Variants in KCTD3 observed in about 807,000 individuals in gnomAD.
KCTD3 encodes the protein BTB/POZ domain-containing protein KCTD3.
A neutral mutation model predicts 85.8 loss-of-function variants in KCTD3; 41 were observed. The ratio of observed to expected loss-of-function variants is 0.48; its 90% CI spans 0.37 to 0.62. The LOEUF (loss-of-function observed/expected upper bound fraction) is 0.62. KCTD3 is among the 20% of genes least tolerant of loss of function. KCTD3 has a pLI of 0.00. For synonymous variants in KCTD3, 338 were observed against 345.4 expected (o/e 0.98, Z 0.24); for missense variants, 724 against 989.9 (o/e 0.73, Z 3.60).
At chr1:215,583,787 T>C (rs978686307) in intron 8 of KCTD3, among the ~76,000 whole-genome samples, 1 of 152,200 alleles carries the variant, frequency 6.6e-6, no homozygotes, top group Non-Finnish European at 1.5e-5. Flanking sequence ...TAGGGTCTTC[T>C]GCATTCAGAG....
intron 10 of KCTD3, among the ~76,000 whole-genome samples, chr1:215,597,287 C>T (rs750711909): frequency 6.6e-6 from 1 of 150,872 alleles, no homozygotes; most frequent in Non-Finnish European, 1.5e-5. Flanking sequence ...TTTAATTCCA[C>T]CCCCTCGCCC....
chr1:215,592,504 C>T (rs1660263112), intron 9 of KCTD3, among the ~76,000 whole-genome samples: 2 of 152,042 alleles, frequency 1.3e-5, no homozygotes, highest in Admixed American at 1.3e-4. Flanking sequence ...AATTATAATA[C>T]ACTGGTAATT....
chr1:215,601,796 T>C, intron 10 of KCTD3, 71 bp from the exon 11 acceptor site: 2 of 914,278 alleles, frequency 2.2e-6, no homozygotes, highest in East Asian at 2.5e-5. Context: ...AATCAAAGTT[T>C]TGAGGAAATT....
At chr1:215,610,721 A>G (rs1655199215) in intron 14 of KCTD3, among the ~76,000 whole-genome samples, 1 of 152,028 alleles carries the variant, frequency 6.6e-6, no homozygotes, top group Admixed American at 6.6e-5. Context: ...CACTTCCATC[A>G]TATAGGACCT....
At chr1:215,608,354 A>T (rs377466591) in intron 14 of KCTD3, among the ~76,000 whole-genome samples, 182 bp downstream of exon 14, 2 of 152,080 alleles carry the variant, frequency 1.3e-5, no homozygotes, top group East Asian at 3.9e-4. Context: ...AAATTATTTT[A>T]TTGCAGCGTT....
intron 1 of KCTD3, among the ~76,000 whole-genome samples, chr1:215,572,674 C>T (rs1460669864): frequency 6.6e-6 from 1 of 152,188 alleles, no homozygotes; most frequent in East Asian, 1.9e-4. Flanking sequence ...TAATGGCAGA[C>T]AATAGATGGA....
intron 15 of KCTD3, among the ~76,000 whole-genome samples, chr1:215,616,498 C>G (rs188091849): frequency 2.4e-4 from 37 of 152,282 alleles, no homozygotes; most frequent in Admixed American, 8.5e-4. Flanking sequence ...CGGTGGCTCA[C>G]ACCTGTAATC....
intron 14 of KCTD3, among the ~76,000 whole-genome samples, chr1:215,609,715 G>T (rs1198552125): frequency 6.6e-6 from 1 of 151,878 alleles, no homozygotes; most frequent in Non-Finnish European, 1.5e-5. Flanking sequence ...GGATTCTTGA[G>T]AAATGGAGTA....
rs115478347 is a variant in KCTD3 at position 215,619,390 on chromosome 1, C to T, written c.1886+99C>T. 9.1e-3 allele frequency: 9,167 copies of T among 1,003,118 alleles called. 244 individuals carry two copies. The highest frequency in any genetic ancestry group is 0.067 in the South Asian group (3,718 of 55,484). The allele number at this position is 1,003,118 out of a possible 1,614,324, so 62.1% of individuals were successfully genotyped here. A position where few individuals can be genotyped will look rare whatever the true frequency, so the allele number is the denominator to read the frequency against. On this transcript the variant is annotated intron_variant, in intron 17 of 17. Coordinates refer to ENST00000259154, the MANE Select transcript of KCTD3 (RefSeq NM_016121.5). Reference sequence around the variant, plus strand: ...ATAGTTGTTCTAGAAAGCCATACTTCTCAAGGTACATTTTAAATTCAGACA... The same window carrying T: ...ATAGTTGTTCTAGAAAGCCATACTTTTCAAGGTACATTTTAAATTCAGACA...
At chr1:215,569,419 G>T (rs1291661595) in intron 1 of KCTD3, among the ~76,000 whole-genome samples, 4 of 151,948 alleles carry the variant, frequency 2.6e-5, no homozygotes, top group African/African-American at 9.7e-5. Context: ...GCGCCTGGCC[G>T]ATAGTTAATA....
rs936406715 is a variant in KCTD3 at position 215,621,733 on chromosome 1, T to C, written c.*1115T>C. The C allele has an allele frequency of 5.2e-5, 8 of 152,578 alleles. No homozygotes were observed. Among genetic ancestry groups the C allele is most frequent in the African/African-American group, 1.9e-4 (8 of 41,450 alleles). 9.5% of individuals were successfully genotyped at this position (152,578 alleles called of 1,614,324 possible). On this transcript the variant is annotated 3_prime_UTR_variant, in exon 18 of 18. Transcript: ENST00000259154. ...TTGAAATAAAATCTTTAAAATTTAC[T>C]ATATTGCCAGTGGTTTCACAACAGT... is the stretch of plus-strand genomic sequence containing the variant.
Position 215,574,131 on chromosome 1 carries a change from A to G in KCTD3, c.183+13A>G. 1 of 1,531,700 alleles carries G rather than the reference A, an allele frequency of 6.5e-7. No homozygotes were observed. Among genetic ancestry groups the G allele is most frequent in the Non-Finnish European group, 9.0e-7 (1 of 1,115,556 alleles). The allele number at this position is 1,531,700 out of a possible 1,614,324, so 94.9% of individuals were successfully genotyped here. ...TGAAACTGGTGCTGTGAGTATAATA[A>G]TAATTGATACATATTCCTAAATTAA... On this transcript the variant is annotated intron_variant, in intron 3 of 17. Transcript: ENST00000259154.
Position 215,573,208 on chromosome 1 carries a change from A to G in KCTD3, c.84-578A>G, listed in dbSNP as rs566745332. Among the ~76,000 whole-genome samples the G allele has an allele frequency of 1.4e-4, 21 of 152,332 alleles. No individual in the cohort carries two copies. In the South Asian group the frequency reaches 3.3e-3, roughly 24 times the overall value. ...ATGAGTAATTTACAGTGAAATTACT[A>G]TGAGCTTAAAAAGAGATAATACAGG... On this transcript the variant is annotated intron_variant, in intron 1 of 17. Coordinates refer to ENST00000259154, the MANE Select transcript of KCTD3 (RefSeq NM_016121.5).
intron 8 of KCTD3, among the ~76,000 whole-genome samples, chr1:215,584,196 T>G (rs916588347): frequency 9.9e-5 from 15 of 152,092 alleles, no homozygotes; most frequent in African/African-American, 3.1e-4. Flanking sequence ...GCAGGATGAG[T>G]CCAAATTGCA....
chr1:215,612,006 A>G, intron 15 of KCTD3, 85 bp downstream of exon 15: 1 of 874,120 alleles, frequency 1.1e-6, no homozygotes, highest in East Asian at 2.5e-5. Context: ...ATATTGACCA[A>G]AGAGTGCTAC....
At chr1:215,570,414 C>CTGAATTTA (rs1659317006) in intron 1 of KCTD3, among the ~76,000 whole-genome samples, 1 of 152,176 alleles carries the variant, frequency 6.6e-6, no homozygotes, top group Non-Finnish European at 1.5e-5. Context: ...TTCACTATGA[C>CTGAATTTA]TGAATTTATG....
intron 8 of KCTD3, among the ~76,000 whole-genome samples, chr1:215,581,550 G>C (rs1313409409): frequency 2.0e-5 from 3 of 152,246 alleles, no homozygotes. Context: ...CTTCCGTTTT[G>C]TTACTGTACA....
rs1252240754 is a variant in KCTD3, at chr1:215,620,881, T to A, written c.*263T>A. ...CATTTTAACACTTACCGACTTTTTT[T>A]GGTTTGGAAACATATTACCACGTCT... On this transcript the variant is annotated 3_prime_UTR_variant, in exon 18 of 18. Transcript: ENST00000259154. The A allele has an allele frequency of 9.3e-6, 4 of 428,734 alleles. No homozygotes were observed. The highest frequency in any genetic ancestry group is 8.2e-5 in the African/African-American group (4 of 48,742). 26.6% of individuals were successfully genotyped at this position (428,734 alleles called of 1,614,324 possible). A position where few individuals can be genotyped will look rare whatever the true frequency, so the allele number is the denominator to read the frequency against.
chr1:215,579,815 C>T (rs1424870652), intron 7 of KCTD3, 94 bp from the exon 8 acceptor site: 1 of 843,580 alleles, frequency 1.2e-6, no homozygotes, highest in South Asian at 1.5e-5. Flanking sequence ...AAACTATTAA[C>T]CAAAACAGGC....
Sources: gnomAD v4.1 joint callset for allele counts (sites outside exome capture counted in the v4.1 genomes callset) on GRCh38, gnomAD v4.1.1 for gene constraint, MANE v1.5 for transcripts, NCBI Gene and HGNC (gene_info 2026-07-23, HGNC 2026-07-21) for gene names.